MRPS35: variants seen among roughly 807,000 people sequenced by gnomAD.
MRPS35 encodes the protein small ribosomal subunit protein mS35.
Under a neutral mutation model 32.7 loss-of-function variants are expected in MRPS35, and 29 were observed. The ratio of observed to expected loss-of-function variants is 0.89; its 90% confidence interval spans 0.66 to 1.21. The LOEUF is 1.21. Among genes scored for constraint, MRPS35 ranks in the 50% most tolerant of loss-of-function variants. The pLI, the probability that MRPS35 is intolerant of heterozygous loss-of-function variation, is 0.00. For missense variants in MRPS35, 373 were observed against 383.8 expected (o/e 0.97, Z 0.23); for synonymous variants, 148 against 139.3 (o/e 1.06, Z -0.44).
At chr12:27,711,372 A>C (rs938310312) in intron 1 of MRPS35, among the ~76,000 whole-genome samples, 1 of 152,184 alleles carries the variant, frequency 6.6e-6, no homozygotes, top group Non-Finnish European at 1.5e-5. Flanking sequence ...CAGGCCACCA[A>C]ATGGGCGGCC....
intron 4 of MRPS35, among the ~76,000 whole-genome samples, chr12:27,720,127 C>A (rs1343565600): frequency 6.6e-6 from 1 of 152,070 alleles, no homozygotes; most frequent in Non-Finnish European, 1.5e-5. Flanking sequence ...TGTGGTGGCT[C>A]ATACTTGTAA....
At chr12:27,720,306 A>G (rs1284379050) in intron 4 of MRPS35, among the ~76,000 whole-genome samples, 2 of 151,912 alleles carry the variant, frequency 1.3e-5, no homozygotes, top group Non-Finnish European at 2.9e-5. Flanking sequence ...AGGCAGGAGA[A>G]TCGCTTGAAC....
intron 7 of MRPS35, 131 bp downstream of exon 7, chr12:27,737,739 A>G (rs2061948259): frequency 1.5e-6 from 1 of 686,354 alleles, no homozygotes; most frequent in Non-Finnish European, 2.5e-6. Context: ...TATGTATGAA[A>G]TGTCATAGGT....
At chr12:27,716,495 A>G (rs754328053) in intron 3 of MRPS35, 37 bp downstream of exon 3, 7 of 1,605,628 alleles carry the variant, frequency 4.4e-6, no homozygotes, top group Non-Finnish European at 6.0e-6. Flanking sequence ...TCAGACTTAC[A>G]TAGAAATAAA....
intron 7 of MRPS35, among the ~76,000 whole-genome samples, chr12:27,743,783 G>A (rs1003030240): frequency 6.6e-6 from 1 of 152,184 alleles, no homozygotes; most frequent in Admixed American, 6.5e-5. Context: ...AGAGGCTGGG[G>A]AGTTGATCAG....
intron 5 of MRPS35, among the ~76,000 whole-genome samples, chr12:27,735,109 C>T (rs547451947): frequency 6.6e-6 from 1 of 152,166 alleles, no homozygotes; most frequent in Non-Finnish European, 1.5e-5. Context: ...TTTCTATATT[C>T]CAACTTAACT....
chr12:27,754,198 G>A (rs1357998118), intron 7 of MRPS35, among the ~76,000 whole-genome samples: 2 of 152,130 alleles, frequency 1.3e-5, no homozygotes, highest in Non-Finnish European at 2.9e-5. Flanking sequence ...AGATTGCAGT[G>A]AGCTGAGATG....
rs751960321 is a variant in MRPS35 at position 27,755,357 on chromosome 12, A to G, written c.879A>G (p.Lys293=). 8 of 1,608,612 alleles carry G rather than the reference A, an allele frequency of 5.0e-6. No individual in the cohort carries two copies. Among genetic ancestry groups the G allele is most frequent in the East Asian group, 2.2e-5 (1 of 44,788 alleles). ...GTACTAAAGAAATTGAAGAGTACAA[A>G]AAGTCTGTTGTTAGTCTTAAAAATG... ...LLGTKEIEEY[K]KSVVSLKNEE... The change falls in exon 8 of 8, where the codon AAA becomes AAG. Residue 293 remains lysine, a synonymous_variant. Coordinates refer to ENST00000081029, the MANE Select transcript of MRPS35 (RefSeq NM_021821.4).
At chr12:27,731,217 G>A (rs12316790) in intron 5 of MRPS35, among the ~76,000 whole-genome samples, 4,567 of 152,042 alleles carry the variant, frequency 0.03, 128 homozygotes, top group African/African-American at 0.068. Flanking sequence ...AAATGCTCTG[G>A]GCTCTTTCCC....
In MRPS35 at chr12:27,719,802, T is replaced by C. The variant is rs565752880; in HGVS notation, c.322-6T>C. ...CTAATTTATCTTTTAAATTTCTCTA[T>C]TTAAGATTCCCAATTTTCTGCATTT... On this transcript the variant is annotated splice_region_variant and splice_polypyrimidine_tract_variant and intron_variant, in intron 3 of 7. Coordinates refer to ENST00000081029, the MANE Select transcript of MRPS35 (RefSeq NM_021821.4). 6.0e-5 allele frequency: 95 copies of C among 1,579,938 alleles called. No homozygotes were observed. In the East Asian group the frequency reaches 2.1e-3, roughly 34 times the overall value.
chr12:27,716,292 C>G lies in MRPS35; in HGVS notation c.155C>G (p.Ala52Gly). ...ACTAAACGATTTTATATTTCTTAGG[C>G]ACTACCTCCTAGGACAGAGAAAATG... ...PGNERPPRRK[A>G]LPPRTEKMAV... Residue 52 changes from alanine (A) to glycine (G), a missense_variant and splice_region_variant, in exon 3 of 8, where the codon GCA becomes GGA. Ala to Gly is a moderately conservative substitution (Grantham distance 60, BLOSUM62 0). Coordinates refer to ENST00000081029, the MANE Select transcript of MRPS35 (RefSeq NM_021821.4). The G allele has an allele frequency of 6.4e-7, 1 of 1,565,068 alleles. No individual in the cohort carries two copies. Among genetic ancestry groups the G allele is most frequent in the South Asian group, 1.2e-5 (1 of 80,798 alleles).
chr12:27,744,313 G>T lies in MRPS35; in HGVS notation c.702+6705G>T, dbSNP rs531128961. ...TAAATGTTTCATAGCAGCTATTGAG[G>T]CTGGGCGCGGTGGCTCACACCTGTA... On this transcript the variant is annotated intron_variant, in intron 7 of 7. Coordinates refer to ENST00000081029, the MANE Select transcript of MRPS35 (RefSeq NM_021821.4). Among the ~76,000 whole-genome samples the T allele has an allele frequency of 2.0e-5, 3 of 152,224 alleles. No individual in the cohort carries two copies. The South Asian group carries it at 6.2e-4, about 32-fold the overall frequency.
intron 4 of MRPS35, among the ~76,000 whole-genome samples, chr12:27,723,336 C>T (rs998064936): frequency 6.6e-6 from 1 of 151,870 alleles, no homozygotes; most frequent in African/African-American, 2.4e-5. Context: ...GATAGAGAGG[C>T]ATGTTCACAG....
chr12:27,729,708 G>C (rs1306787500), intron 5 of MRPS35, among the ~76,000 whole-genome samples: 1 of 152,086 alleles, frequency 6.6e-6, no homozygotes, highest in East Asian at 1.9e-4. Flanking sequence ...AGTTCATAGT[G>C]TATCATTCTT....
chr12:27,744,042 C>T (rs748275874), intron 7 of MRPS35, among the ~76,000 whole-genome samples: 4 of 152,180 alleles, frequency 2.6e-5, no homozygotes, highest in Non-Finnish European at 5.9e-5. Context: ...ATGTATCTTT[C>T]AAGACTTCGA....
intron 3 of MRPS35, among the ~76,000 whole-genome samples, chr12:27,719,261 A>G (rs1051652207): frequency 1.3e-5 from 2 of 152,236 alleles, no homozygotes; most frequent in Non-Finnish European, 2.9e-5. Flanking sequence ...CAAAAGATTT[A>G]TATGATCTGA....
intron 1 of MRPS35, among the ~76,000 whole-genome samples, chr12:27,712,767 AG>A (rs2140749981): frequency 1.3e-5 from 2 of 152,338 alleles, no homozygotes; most frequent in East Asian, 3.9e-4. Flanking sequence ...CTGTAATCCC[AG>A]CACTGTGGGA....
At chr12:27,751,562 T>A (rs945680917) in intron 7 of MRPS35, among the ~76,000 whole-genome samples, 5 of 152,190 alleles carry the variant, frequency 3.3e-5, no homozygotes, top group African/African-American at 1.2e-4. Flanking sequence ...GCGACCCCCA[T>A]GCCTGCGGCT....
chr12:27,719,830 C>A lies in MRPS35; in HGVS notation c.344C>A (p.Thr115Asn). The change falls in exon 4 of 8, where the codon ACT becomes AAT. Residue 115 changes from threonine (T) to asparagine (N), a missense_variant. By Grantham distance (65) the Thr-to-Asn change is moderately conservative. Coordinates refer to ENST00000081029, the MANE Select transcript of MRPS35 (RefSeq NM_021821.4). ...LLKIPNFLHL[T>N]PVAIKKHCEA... ...AAGATTCCCAATTTTCTGCATTTGA[C>A]TCCTGTAGCAATTAAAAAGCACTGT... 6.2e-7 allele frequency: 1 copy of A among 1,607,414 alleles called. No homozygotes were observed. Among genetic ancestry groups the A allele is most frequent in the South Asian group, 1.1e-5 (1 of 90,692 alleles).
Sources: gnomAD v4.1 joint callset for allele counts (sites outside exome capture counted in the v4.1 genomes callset) on GRCh38, gnomAD v4.1.1 for gene constraint, MANE v1.5 for transcripts, NCBI Gene and HGNC (gene_info 2026-07-23, HGNC 2026-07-21) for gene names.